The following SGCZ variants were observed in gnomAD, a reference collection of about 807,000 sequenced individuals.
SGCZ encodes the protein sarcoglycan zeta.
A neutral mutation model predicts 41.3 loss-of-function variants in SGCZ; 40 were observed. The observed-to-expected ratio is 0.97, with a 90% CI of 0.75 to 1.26. The LOEUF is 1.26. SGCZ is among the 50% of genes most tolerant of loss of function. SGCZ has a pLI of 0.00. For missense variants in SGCZ, 552 were observed against 369.8 expected, an observed-to-expected ratio of 1.49 and a Z score of -4.04; for synonymous variants, 206 against 137.5, an observed-to-expected ratio of 1.50 and a Z score of -3.49.
chr8:14,199,623 C>G (rs180702621), intron 4 of SGCZ, among the ~76,000 whole-genome samples: 4 of 152,078 alleles, frequency 2.6e-5, no homozygotes, highest in Admixed American at 2.6e-4. Context: ...TGTGATGTCT[C>G]CCCCGGACAC....
chr8:15,080,553 T>A (rs1387442583), intron 1 of SGCZ, among the ~76,000 whole-genome samples: 1 of 152,082 alleles, frequency 6.6e-6, no homozygotes, highest in Non-Finnish European at 1.5e-5. Flanking sequence ...AATTAAAAGG[T>A]CATTAGGGTG....
intron 1 of SGCZ, among the ~76,000 whole-genome samples, chr8:14,944,142 T>C (rs901223213): frequency 1.3e-5 from 2 of 152,144 alleles, no homozygotes; most frequent in Non-Finnish European, 2.9e-5. Context: ...ATTCGAATCA[T>C]ATAGGCAGGG....
At chr8:14,605,373 T>C (rs1362821152) in intron 1 of SGCZ, among the ~76,000 whole-genome samples, 3 of 152,150 alleles carry the variant, frequency 2.0e-5, no homozygotes, top group African/African-American at 7.2e-5. Context: ...ATTGGGTATC[T>C]ATCATCTCAA....
intron 1 of SGCZ, among the ~76,000 whole-genome samples, chr8:15,056,335 G>C (rs992921706): frequency 2.6e-5 from 4 of 152,088 alleles, no homozygotes; most frequent in African/African-American, 7.2e-5. Context: ...CTGTTCTATT[G>C]TGAATGTTAA....
intron 1 of SGCZ, among the ~76,000 whole-genome samples, chr8:14,741,346 G>A (rs987346292): frequency 2.6e-5 from 4 of 151,972 alleles, no homozygotes; most frequent in Non-Finnish European, 5.9e-5. Context: ...TACTGTGTTT[G>A]CATTTACAGT....
At chr8:15,156,946 A>G (rs558619309) in intron 1 of SGCZ, among the ~76,000 whole-genome samples, 13 of 124,004 alleles carry the variant, frequency 1.0e-4, no homozygotes, top group African/African-American at 2.6e-4. Flanking sequence ...CTCTGTCTCA[A>G]AAAAAAAAAA....
At chr8:15,186,046 A>ACC (rs1800323193) in intron 1 of SGCZ, among the ~76,000 whole-genome samples, 1 of 150,882 alleles carries the variant, frequency 6.6e-6, no homozygotes, top group Non-Finnish European at 1.5e-5. Flanking sequence ...ACACGGTGAA[A>ACC]CCCCGTCTTT....
chr8:14,575,972 T>G (rs1804699467), intron 1 of SGCZ, among the ~76,000 whole-genome samples: 1 of 151,142 alleles, frequency 6.6e-6, no homozygotes, highest in Non-Finnish European at 1.5e-5. Context: ...TGAATTACAT[T>G]TTTATATATT....
intron 2 of SGCZ, among the ~76,000 whole-genome samples, chr8:14,450,618 A>T (rs1800564110): frequency 6.6e-6 from 1 of 152,176 alleles, no homozygotes; most frequent in African/African-American, 2.4e-5. Flanking sequence ...AATCAGACCA[A>T]TTTTTTAAAA....
chr8:14,093,109 T>G (rs1476143015), intron 7 of SGCZ, among the ~76,000 whole-genome samples: 2 of 152,096 alleles, frequency 1.3e-5, no homozygotes, highest in Admixed American at 6.6e-5. Flanking sequence ...TGTTTCTTGT[T>G]TCCACTGATA....
intron 1 of SGCZ, among the ~76,000 whole-genome samples, chr8:15,237,108 C>T (rs907626537): frequency 2.6e-5 from 4 of 152,220 alleles, no homozygotes; most frequent in African/African-American, 9.6e-5. Context: ...CTCTGTCACG[C>T]GAATCTCCGA....
At chr8:14,748,730 A>C (rs1035194506) in intron 1 of SGCZ, among the ~76,000 whole-genome samples, 1 of 151,488 alleles carries the variant, frequency 6.6e-6, no homozygotes, top group Middle Eastern at 3.4e-3. Flanking sequence ...GCTATACATC[A>C]AAATAGTGCA....
At chr8:14,149,570 C>A (rs1803631775) in intron 5 of SGCZ, among the ~76,000 whole-genome samples, 1 of 148,552 alleles carries the variant, frequency 6.7e-6, no homozygotes. Context: ...TCGGAAGAAT[C>A]AATGTTGTTA....
At position 15,228,201 on chromosome 8, in the gene SGCZ, T is replaced by C. The variant is rs1051531169; in HGVS notation, c.39+9384A>G. ...TCTTTATAAAATGAAAGCAGGTTTG[T>C]ATTGTAATTGGACTCAGAAGCTCTT... On this transcript the variant is annotated intron_variant, in intron 1 of 7. Transcript: ENST00000382080. Among the ~76,000 whole-genome samples the C allele has an allele frequency of 3.9e-5, 6 of 152,374 alleles. No individual in the cohort carries two copies. In the East Asian group the frequency reaches 9.6e-4, roughly 24 times the overall value.
intron 2 of SGCZ, among the ~76,000 whole-genome samples, chr8:14,413,094 G>A (rs1226497947): frequency 6.6e-6 from 1 of 151,882 alleles, no homozygotes; most frequent in African/African-American, 2.4e-5. Context: ...TAAAAAAATT[G>A]ACCAAGTTCG....
chr8:14,826,345 T>C (rs111698784), intron 1 of SGCZ, among the ~76,000 whole-genome samples: 21,231 of 152,120 alleles, frequency 0.14, 2,170 homozygotes, highest in African/African-American at 0.27. Context: ...GTTGGACATT[T>C]GGCTTGGTTC....
intron 5 of SGCZ, among the ~76,000 whole-genome samples, chr8:14,138,009 G>C (rs1231861629): frequency 6.6e-6 from 1 of 152,208 alleles, no homozygotes; most frequent in African/African-American, 2.4e-5. Flanking sequence ...AGCCAGAAGA[G>C]AGTGGGGGCC....
intron 2 of SGCZ, among the ~76,000 whole-genome samples, chr8:14,471,400 C>A (rs1433816813): frequency 6.6e-6 from 1 of 152,008 alleles, no homozygotes; most frequent in Non-Finnish European, 1.5e-5. Context: ...AATATGTATG[C>A]CACTTTTCTG....
chr8:14,639,053 T>G (rs1806930854), intron 1 of SGCZ, among the ~76,000 whole-genome samples: 1 of 143,634 alleles, frequency 7.0e-6, no homozygotes, highest in Admixed American at 7.1e-5. Context: ...TTTTTTTTTT[T>G]TGTCTTTTTT....
Sources: allele counts gnomAD v4.1 joint callset (sites outside exome capture counted in the v4.1 genomes callset), GRCh38; gene constraint gnomAD v4.1.1; transcripts MANE v1.5; gene names NCBI Gene and HGNC (gene_info 2026-07-23, HGNC 2026-07-21).